NUP205: variants seen among roughly 807,000 people sequenced by gnomAD.
The protein encoded by NUP205 is nuclear pore complex protein Nup205.
Under a neutral mutation model 253.8 loss-of-function variants are expected in NUP205, and 76 were observed. That is an observed-to-expected ratio of 0.30 (90% CI 0.25 to 0.36). The LOEUF (loss-of-function observed/expected upper bound fraction) is 0.36. NUP205 is among the 10% of genes least tolerant of loss of function. The probability of loss-of-function intolerance (pLI) is 1.00; values close to 1 mark genes in which losing one functional copy is unlikely to be tolerated. For synonymous variants in NUP205, 832 were observed against 850.1 expected, an observed-to-expected ratio of 0.98 and a Z score of 0.37; for missense variants, 2,162 against 2,425.5, an observed-to-expected ratio of 0.89 and a Z score of 2.28.
Position 135,586,008 on chromosome 7 carries a change from A to C in NUP205, c.1218+1001A>C, listed in dbSNP as rs138044736. Among the ~76,000 whole-genome samples, 46 of 152,318 alleles carry C rather than the reference A, an allele frequency of 3.0e-4. 1 individual carries two copies. The highest frequency in any genetic ancestry group is 9.9e-4 in the African/African-American group (41 of 41,538). On this transcript the variant is annotated intron_variant, in intron 8 of 42. Transcript: ENST00000285968. ...TTAGAGCTATTTCAAACAGTTCCTT[A>C]TAGTATATGCTCTGTGTGCTGTTTT...
At chr7:135,570,326 T>G (rs1004438584) in intron 1 of NUP205, among the ~76,000 whole-genome samples, 3 of 151,968 alleles carry the variant, frequency 2.0e-5, no homozygotes, top group African/African-American at 7.2e-5. Flanking sequence ...TGATTTCTCC[T>G]GTCCCAGCCT....
intron 3 of NUP205, among the ~76,000 whole-genome samples, chr7:135,574,660 A>G (rs1806100104): frequency 6.6e-6 from 1 of 152,220 alleles, no homozygotes; most frequent in Admixed American, 6.5e-5. Context: ...ATTTTGCATG[A>G]TAATGAAAGG....
At chr7:135,625,881 G>A (rs1321914224) in intron 32 of NUP205, among the ~76,000 whole-genome samples, 1 of 152,046 alleles carries the variant, frequency 6.6e-6, no homozygotes, top group Non-Finnish European at 1.5e-5. Context: ...TTATTTAACA[G>A]GTATTTATTA....
intron 13 of NUP205, among the ~76,000 whole-genome samples, chr7:135,596,122 C>T (rs538358142): frequency 5.3e-5 from 8 of 151,702 alleles, no homozygotes; most frequent in Non-Finnish European, 7.4e-5. Flanking sequence ...TTAGTAGAGA[C>T]GGGGTTTCTC....
intron 35 of NUP205, among the ~76,000 whole-genome samples, chr7:135,633,805 A>G (rs1794758735): frequency 6.6e-6 from 1 of 152,198 alleles, no homozygotes. Context: ...TATCAGAAAT[A>G]TATGTGCTTA....
chr7:135,599,354 T>C (rs1258726057), intron 15 of NUP205, among the ~76,000 whole-genome samples: 9 of 151,352 alleles, frequency 5.9e-5, no homozygotes, highest in Admixed American at 1.3e-4. Flanking sequence ...ATTGAAGTTC[T>C]TTTTTTTTGT....
At chr7:135,602,694 A>T in intron 17 of NUP205, 111 bp from the exon 18 acceptor site, 1 of 837,176 alleles carries the variant, frequency 1.2e-6, no homozygotes, top group Non-Finnish European at 1.9e-6. Context: ...CAAGAGTCTG[A>T]ATCTCTAGAT....
chr7:135,624,865 C>G (rs1794552473), intron 31 of NUP205, among the ~76,000 whole-genome samples: 1 of 152,168 alleles, frequency 6.6e-6, no homozygotes, highest in Non-Finnish European at 1.5e-5. Flanking sequence ...AATTTCTTTT[C>G]TCTAACAAGC....
At chr7:135,646,110 TAG>T in intron 41 of NUP205, 46 bp from the exon 42 acceptor site, 2 of 1,188,510 alleles carry the variant, frequency 1.7e-6, no homozygotes, top group Non-Finnish European at 2.5e-6. Context: ...CACTGTGTGG[TAG>T]ATAGGTACTT....
At chr7:135,583,937 G>A (rs1230176235) in intron 7 of NUP205, among the ~76,000 whole-genome samples, 2 of 151,434 alleles carry the variant, frequency 1.3e-5, no homozygotes, top group African/African-American at 4.9e-5. Context: ...CGCCTTCTGG[G>A]TTCAAGCGAT....
intron 6 of NUP205, 145 bp from the exon 7 acceptor site, chr7:135,578,606 T>C: frequency 1.8e-6 from 1 of 558,024 alleles, no homozygotes; most frequent in Non-Finnish European, 3.1e-6. Context: ...GTAGTGTACC[T>C]TTTGGGATGT....
At position 135,577,222 on chromosome 7, in the gene NUP205, A is replaced by G. The variant is rs1806176337; in HGVS notation, c.648+94A>G. 2.5e-6 allele frequency: 3 copies of G among 1,216,286 alleles called. No homozygotes were observed. In the East Asian group the frequency reaches 7.2e-5, roughly 29 times the overall value. The allele number at this position is 1,216,286 out of a possible 1,614,324, so 75.3% of individuals were successfully genotyped here. On this transcript the variant is annotated intron_variant, in intron 5 of 42. Transcript: ENST00000285968. ...AATGTTCATTTTTTCAAGATGAATT[A>G]TGTAGCTGATACCATGCCTGATTGC...
At chr7:135,591,412 T>C (rs894266849) in intron 10 of NUP205, 38 bp from the exon 11 acceptor site, 3 of 1,590,738 alleles carry the variant, frequency 1.9e-6, no homozygotes, top group East Asian at 4.5e-5. Flanking sequence ...AAAGTTAAGA[T>C]ATACATTATA....
chr7:135,613,535 CTTTTTTTTTCTTTTT>C (rs1031056024), intron 22 of NUP205, among the ~76,000 whole-genome samples: 3 of 138,732 alleles, frequency 2.2e-5, no homozygotes, highest in African/African-American at 8.0e-5. Context: ...TTTTTCTTTT[CTTTTTTTTTCTTTTT>C]TTTTTGAGAC....
At chr7:135,644,187 A>T (rs1419738144) in intron 39 of NUP205, among the ~76,000 whole-genome samples, 1 of 152,202 alleles carries the variant, frequency 6.6e-6, no homozygotes, top group Non-Finnish European at 1.5e-5. Flanking sequence ...GAAGACTTGC[A>T]TAACTTACCC....
chr7:135,570,780 A>ATATTAATATATATTG (rs1563110128), intron 1 of NUP205, among the ~76,000 whole-genome samples: 8 of 47,280 alleles, frequency 1.7e-4, no homozygotes, highest in South Asian at 6.7e-4. Context: ...AATATATATT[A>ATATTAATATATATTG]ATTATATTTA....
chr7:135,590,499 T>G (rs191034007), intron 10 of NUP205, among the ~76,000 whole-genome samples: 2 of 152,132 alleles, frequency 1.3e-5, no homozygotes, highest in African/African-American at 4.8e-5. Flanking sequence ...TAAGTAAGTA[T>G]ATCTCTCTTA....
At chr7:135,641,683 G>T (rs1276798069) in intron 38 of NUP205, among the ~76,000 whole-genome samples, 2 of 151,456 alleles carry the variant, frequency 1.3e-5, no homozygotes, top group Non-Finnish European at 2.9e-5. Flanking sequence ...GAGGTGGGAG[G>T]ATCACCTGAG....
intron 12 of NUP205, among the ~76,000 whole-genome samples, chr7:135,594,099 T>C (rs73725156): frequency 0.034 from 5,161 of 152,252 alleles, 118 homozygotes; most frequent in Middle Eastern, 0.1. Context: ...TGTATAGTTA[T>C]TACATATCAA....
Sources: allele counts gnomAD v4.1 joint callset (sites outside exome capture counted in the v4.1 genomes callset), GRCh38; gene constraint gnomAD v4.1.1; transcripts MANE v1.5; gene names NCBI Gene and HGNC (gene_info 2026-07-23, HGNC 2026-07-21).